SCHIP1: variants seen among roughly 807,000 people sequenced by gnomAD.
The protein encoded by SCHIP1 is schwannomin-interacting protein 1.
A neutral mutation model predicts 29.7 loss-of-function variants in SCHIP1; 8 were observed. The observed-to-expected ratio is 0.27, with a 90% CI of 0.16 to 0.49. The LOEUF (loss-of-function observed/expected upper bound fraction) is 0.49. Among genes scored for constraint, SCHIP1 ranks in the 20% least tolerant of loss-of-function variants. The pLI, the probability that SCHIP1 is intolerant of heterozygous loss-of-function variation, is 0.99. For synonymous variants in SCHIP1, 76 were observed against 94.9 expected, an observed-to-expected ratio of 0.80 and a Z score of 1.16; for missense variants, 193 against 294.6, an observed-to-expected ratio of 0.66 and a Z score of 2.52.
At chr3:159,462,710 T>C in the SCHIP1 span, among the ~76,000 whole-genome samples, 1 of 152,294 alleles carries the variant, frequency 6.6e-6, no homozygotes, top group African/African-American at 2.4e-5. Context: ...AACTTTTCAT[T>C]GTTCCCTCGG....
At chr3:159,632,293 C>A in the SCHIP1 span, among the ~76,000 whole-genome samples, 2 of 152,146 alleles carry the variant, frequency 1.3e-5, no homozygotes, top group Non-Finnish European at 2.9e-5. Flanking sequence ...CGTCTACAGG[C>A]GCCAACTTCA....
chr3:159,667,773 C>T, the SCHIP1 span, among the ~76,000 whole-genome samples: 1 of 152,320 alleles, frequency 6.6e-6, no homozygotes, highest in East Asian at 1.9e-4. Context: ...CTTTTCAGCC[C>T]ATAATCTATA....
the SCHIP1 span, chr3:159,274,713 A>AT: frequency 9.7e-6 from 8 of 822,288 alleles, no homozygotes; most frequent in Non-Finnish European, 8.8e-6. Context: ...TAGCTATTCA[A>AT]ATTTTTTTCT....
the SCHIP1 span, among the ~76,000 whole-genome samples, chr3:159,310,393 G>T: frequency 6.6e-6 from 1 of 152,014 alleles, no homozygotes; most frequent in Non-Finnish European, 1.5e-5. Context: ...TTTAAAAAAT[G>T]ACAAAAATCT....
the SCHIP1 span, among the ~76,000 whole-genome samples, chr3:159,638,003 C>A: frequency 6.6e-6 from 1 of 152,176 alleles, no homozygotes; most frequent in South Asian, 2.1e-4. Context: ...CTCTCCATAA[C>A]AGTTTTCCCT....
At chr3:159,630,466 G>A in the SCHIP1 span, among the ~76,000 whole-genome samples, 6 of 151,870 alleles carry the variant, frequency 4.0e-5, no homozygotes, top group East Asian at 7.7e-4. Flanking sequence ...AAGAAAATGT[G>A]GTATATATAT....
At chr3:159,660,965 T>G in the SCHIP1 span, among the ~76,000 whole-genome samples, 1 of 152,132 alleles carries the variant, frequency 6.6e-6, no homozygotes. Flanking sequence ...ATATACTGAG[T>G]GTATACGAAT....
the SCHIP1 span, among the ~76,000 whole-genome samples, chr3:159,727,016 G>A: frequency 6.6e-6 from 1 of 152,226 alleles, no homozygotes; most frequent in African/African-American, 2.4e-5. Context: ...AGCCCATTGA[G>A]GACACCACCT....
chr3:159,626,086 T>A, the SCHIP1 span, among the ~76,000 whole-genome samples: 6,497 of 102,960 alleles, frequency 0.063, 1,120 homozygotes, highest in African/African-American at 0.34. Context: ...AGAGTGCAGC[T>A]TATATAGATA....
the SCHIP1 span, among the ~76,000 whole-genome samples, chr3:159,694,618 C>A: frequency 6.6e-6 from 1 of 150,754 alleles, no homozygotes; most frequent in South Asian, 2.1e-4. Context: ...GGAATTATGA[C>A]CAATGACATA....
At chr3:159,418,023 AC>A in the SCHIP1 span, among the ~76,000 whole-genome samples, 7 of 152,062 alleles carry the variant, frequency 4.6e-5, no homozygotes, top group African/African-American at 1.7e-4. Flanking sequence ...CCCACATTTG[AC>A]CCCAGATGCT....
At chr3:159,837,159 AT>A (rs1315139134), upstream of SCHIP1, among the ~76,000 whole-genome samples, 2 of 151,972 alleles carry the variant, frequency 1.3e-5, no homozygotes, top group African/African-American at 4.8e-5. Context: ...AGCTTATGTA[AT>A]ATATCCCATT....
chr3:159,362,876 G>T, the SCHIP1 span, among the ~76,000 whole-genome samples: 2 of 152,140 alleles, frequency 1.3e-5, no homozygotes, highest in Non-Finnish European at 2.9e-5. Flanking sequence ...TTCTGCTTTT[G>T]CCTGATAAAC....
intron 5 of SCHIP1, 108 bp from the exon 7 acceptor site, chr3:159,891,989 C>A (rs1288972070): frequency 3.2e-6 from 4 of 1,236,304 alleles, no homozygotes; most frequent in African/African-American, 1.5e-5. Context: ...ACAAAAATAT[C>A]TTTCCTATTA....
At chr3:159,725,597 C>A in the SCHIP1 span, among the ~76,000 whole-genome samples, 4 of 152,138 alleles carry the variant, frequency 2.6e-5, no homozygotes, top group Non-Finnish European at 5.9e-5. Flanking sequence ...GGATTGGAAA[C>A]AAGACTTCAT....
the SCHIP1 span, among the ~76,000 whole-genome samples, chr3:159,671,681 C>T: frequency 6.6e-6 from 1 of 152,276 alleles, no homozygotes; most frequent in Admixed American, 6.5e-5. Context: ...CTTCTGCTGG[C>T]ATTATTCTTT....
chr3:159,327,835 G>A, the SCHIP1 span, among the ~76,000 whole-genome samples: 1 of 152,270 alleles, frequency 6.6e-6, no homozygotes, highest in South Asian at 2.1e-4. Flanking sequence ...TGGTCAGAAA[G>A]GGTTCCAAGA....
chr3:159,428,995 A>G, the SCHIP1 span, among the ~76,000 whole-genome samples: 18 of 143,944 alleles, frequency 1.3e-4, no homozygotes, highest in Non-Finnish European at 2.1e-4. Flanking sequence ...GAATTGAACA[A>G]TGAGAACACA....
chr3:159,304,131 C>A, the SCHIP1 span, among the ~76,000 whole-genome samples: 2 of 151,304 alleles, frequency 1.3e-5, no homozygotes, highest in Non-Finnish European at 2.9e-5. Context: ...TTTGTTCTTG[C>A]GATAGTTTAC....
Sources: allele counts gnomAD v4.1 joint callset (sites outside exome capture counted in the v4.1 genomes callset), GRCh38; gene constraint gnomAD v4.1.1; transcripts MANE v1.5; gene names NCBI Gene and HGNC (gene_info 2026-07-23, HGNC 2026-07-21).